The following AXIN1 variants were observed in gnomAD, a reference collection of about 807,000 sequenced individuals.
The protein encoded by AXIN1 is axin-1.
In AXIN1, 30 loss-of-function variants were observed where a neutral mutation model predicts 76.4. That is an observed-to-expected ratio of 0.39 (90% confidence interval 0.29 to 0.53). The LOEUF (loss-of-function observed/expected upper bound fraction) is 0.53. Among genes scored for constraint, AXIN1 ranks in the 20% least tolerant of loss-of-function variants. AXIN1 has a pLI of 0.66. For missense variants in AXIN1, 1,140 were observed against 1,198.8 expected, an observed-to-expected ratio of 0.95 and a Z score of 0.72; for synonymous variants, 545 against 501.4, an observed-to-expected ratio of 1.09 and a Z score of -1.16.
At chr16:309,926 C>A (rs1337722198) in intron 4 of AXIN1, 47 bp downstream of exon 4, 1 of 1,592,182 alleles carries the variant, frequency 6.3e-7, no homozygotes, top group Non-Finnish European at 8.6e-7. Context: ...CAGGCCCACG[C>A]TGAGCGGGGA....
In AXIN1 at chr16:293,536, C is replaced by A. The variant is rs780924135; in HGVS notation, c.2138G>T (p.Arg713Leu). Residue 713 changes from arginine to leucine, a missense_variant, in exon 8 of 11, where the codon CGT becomes CTT. This residue lies in a region of AXIN1 where 429 missense variants were observed against 405.8 expected (regional missense o/e 1.06). Coordinates refer to ENST00000262320, the MANE Select transcript of AXIN1 (RefSeq NM_003502.4). The surrounding 1 kb of genome is among the most constrained non-coding windows in gnomAD (Gnocchi z 4.6). Reference protein sequence around the residue: ...PLTQLEEARRRLEEEEKRASR... With the variant: ...PLTQLEEARRLLEEEEKRASR... The stretch of plus-strand genomic sequence containing the variant: ...GGCTCTCTTTTCTTCCTCCTCCAGA[C>A]GTCGGCGCGCCTCCTCCAGCTGGGT... 6.2e-7 allele frequency: 1 copy of A among 1,611,268 alleles called. No individual in the cohort carries two copies. Among genetic ancestry groups the A allele is most frequent in the Admixed American group, 1.7e-5 (1 of 60,026 alleles).
At position 288,146 on chromosome 16, in the gene AXIN1, G is replaced by C. The variant is rs150808160; in HGVS notation, c.2565C>G (p.Ile855Met). The stretch of plus-strand genomic sequence containing the variant: ...ATCAGTCCACCTTCTCCACTTTGCC[G>C]ATGATCTTCTCCTCAAAGACGGGCA... The part of the protein sequence containing the change: ...AVLPVFEEKI[I>M]GKVEKVD Residue 855 changes from isoleucine (I) to methionine (M), a missense_variant, in exon 11 of 11, where the codon ATC becomes ATG. Ile to Met is a conservative substitution (Grantham distance 10, BLOSUM62 1). Coordinates refer to ENST00000262320, the MANE Select transcript of AXIN1 (RefSeq NM_003502.4). The C allele has an allele frequency of 6.2e-7, 1 of 1,613,504 alleles. No homozygotes were observed. The highest frequency in any genetic ancestry group is 2.2e-5 in the East Asian group (1 of 44,878).
intron 2 of AXIN1, among the ~76,000 whole-genome samples, chr16:344,828 T>G (rs1319238859): frequency 6.6e-6 from 1 of 152,232 alleles, no homozygotes; most frequent in East Asian, 1.9e-4. Flanking sequence ...ACTACAAGTT[T>G]AACCTTAGAC....
At chr16:319,092 TCAGGCAGAGTCCGGGGACA>T (rs1324175593) in intron 2 of AXIN1, among the ~76,000 whole-genome samples, 3 of 152,174 alleles carry the variant, frequency 2.0e-5, no homozygotes, top group African/African-American at 7.2e-5. Flanking sequence ...GTGCCAGGAC[TCAGGCAGAGTCCGGGGACA>T]CAGAGGCTGG....
At chr16:339,278 C>T (rs1245894053) in intron 2 of AXIN1, among the ~76,000 whole-genome samples, 1 of 143,586 alleles carries the variant, frequency 7.0e-6, no homozygotes, top group Non-Finnish European at 1.5e-5. Flanking sequence ...CTGAGGTAGG[C>T]GGATCACAAG....
At chr16:327,995 T>C (rs754001769) in intron 2 of AXIN1, among the ~76,000 whole-genome samples, 1 of 152,208 alleles carries the variant, frequency 6.6e-6, no homozygotes, top group Non-Finnish European at 1.5e-5. Flanking sequence ...AAGCCTGTAA[T>C]CCGAGCACTG....
At chr16:316,847 C>T (rs1314144341) in intron 2 of AXIN1, among the ~76,000 whole-genome samples, 1 of 152,200 alleles carries the variant, frequency 6.6e-6, no homozygotes, top group East Asian at 1.9e-4. Flanking sequence ...ACAGTATATA[C>T]AGGGTTCAGT....
chr16:288,339 C>T (rs1361811401), intron 10 of AXIN1, 91 bp from the exon 11 acceptor site: 3 of 1,563,200 alleles, frequency 1.9e-6, no homozygotes, highest in South Asian at 1.1e-5. Context: ...CACACCCCAT[C>T]CCGAGGAGCC....
chr16:332,378 C>T (rs1467345363), intron 2 of AXIN1, among the ~76,000 whole-genome samples: 2 of 151,806 alleles, frequency 1.3e-5, no homozygotes, highest in Non-Finnish European at 2.9e-5. Context: ...GAGATGGAGA[C>T]CATCCTGGCT....
At chr16:290,794 G>A (rs1411666543) in intron 9 of AXIN1, 14 of 363,520 alleles carry the variant, frequency 3.9e-5, no homozygotes, top group East Asian at 2.7e-4. Flanking sequence ...GACGCACCCC[G>A]GGCACCTCAG....
intron 3 of AXIN1, among the ~76,000 whole-genome samples, chr16:313,161 C>T (rs1036762618): frequency 1.3e-5 from 2 of 152,180 alleles, no homozygotes; most frequent in Non-Finnish European, 2.9e-5. Flanking sequence ...AATCATTAGC[C>T]AGGCGTGGTG....
intron 5 of AXIN1, among the ~76,000 whole-genome samples, chr16:303,045 A>G (rs1283400172): frequency 1.6e-4 from 25 of 152,198 alleles, no homozygotes; most frequent in Admixed American, 1.6e-3. Context: ...AATTTTTTCT[A>G]GAGACAGGAA....
rs2141484641 is a variant in AXIN1 at position 293,486 on chromosome 16, A to G, written c.2186+2T>C. ...CCACCCCACCCCACGACGCGGCCGT[A>G]CCTCTGCTTGGAGGGTGCTCGGCTG... is the stretch of plus-strand genomic sequence containing the variant. On this transcript the variant is annotated splice_donor_variant, in intron 8 of 10. Coordinates refer to ENST00000262320, the MANE Select transcript of AXIN1 (RefSeq NM_003502.4). LOFTEE classifies it high-confidence loss of function. This position sits in a 1 kb window ranked among gnomAD's most constrained non-coding sequence, Gnocchi z 4.6. The G allele has an allele frequency of 6.2e-7, 1 of 1,608,454 alleles. No homozygotes were observed. Among genetic ancestry groups the G allele is most frequent in the South Asian group, 1.1e-5 (1 of 90,990 alleles).
At position 310,048 on chromosome 16, in the gene AXIN1, C is replaced by A. The variant is rs2053133737; in HGVS notation, c.1041G>T (p.Arg347Ser). ...DSSVDGIPPY[R>S]IRKQHRREMQ... is the part of the protein sequence containing the mutation. ...TCTCCCTGCGGTGCTGCTTACGGAT[C>A]CTGTATGGGGGGATCCCATCCCTGT... is the stretch of plus-strand genomic sequence containing the variant. Residue 347 changes from arginine to serine, a missense_variant, in exon 4 of 11, where the codon AGG (arginine) becomes AGT (serine). Around this residue, in one of 3 missense-constraint regions of AXIN1, gnomAD observed 708 missense variants for 776.9 expected, o/e 0.91. Coordinates refer to ENST00000262320, the MANE Select transcript of AXIN1 (RefSeq NM_003502.4). 1 of 1,612,498 alleles carries A rather than the reference C, an allele frequency of 6.2e-7. No homozygotes were observed. Among genetic ancestry groups the A allele is most frequent in the Non-Finnish European group, 8.5e-7 (1 of 1,179,608 alleles).
rs548456629 is a variant in AXIN1 at position 345,443 on chromosome 16, G to A, written c.878+705C>T. On this transcript the variant is annotated intron_variant, in intron 2 of 10. Coordinates refer to ENST00000262320, the MANE Select transcript of AXIN1 (RefSeq NM_003502.4). ...TAAAAGCAATAATCTGGCCGGATGC[G>A]GCGGCTCACGCCTGTAATCCCAACA... 4.6e-5 allele frequency among the ~76,000 whole-genome samples: 7 copies of A among 152,344 alleles called. 1 individual carries two copies. Among genetic ancestry groups the A allele is most frequent in the Middle Eastern group, 3.4e-3 (1 of 294 alleles).
Position 298,198 on chromosome 16 carries a change from G to A in AXIN1, c.1308C>T (p.His436=), listed in dbSNP as rs1247735288. ...GCCAAGCGGGGGCGGGAGGCAGCTT[G>A]TGACACGGCCCTGGGGGCCCTGACG... ...DPSSGPPGPC[H]KLPPAPAWHH... is the part of the protein sequence containing the mutation. Residue 436 remains histidine, a synonymous_variant, in exon 6 of 11, where the codon CAC becomes CAT. Transcript: ENST00000262320. The A allele has an allele frequency of 3.9e-6, 6 of 1,541,444 alleles. No homozygotes were observed. In the Admixed American group the frequency reaches 9.8e-5, roughly 25 times the overall value.
chr16:344,007 C>CA (rs35154860), intron 2 of AXIN1, among the ~76,000 whole-genome samples: 44,040 of 129,606 alleles, frequency 0.34, 7,003 homozygotes, highest in Non-Finnish European at 0.4. Context: ...GACTCCATTT[C>CA]AAAAAAAAAA....
chr16:341,114 C>T (rs998579863), intron 2 of AXIN1, among the ~76,000 whole-genome samples: 16 of 152,398 alleles, frequency 1.0e-4, no homozygotes, highest in Middle Eastern at 3.4e-3. Context: ...GCAGTCCTCA[C>T]AGCCCTCGCT....
At chr16:332,530 C>G (rs1165026062) in intron 2 of AXIN1, among the ~76,000 whole-genome samples, 3 of 149,518 alleles carry the variant, frequency 2.0e-5, no homozygotes, top group Middle Eastern at 3.4e-3. Flanking sequence ...GAGCTGAGAC[C>G]GTGCCACTGC....
Sources: gnomAD v4.1 joint callset for allele counts (sites outside exome capture counted in the v4.1 genomes callset) on GRCh38, gnomAD v4.1.1 for gene constraint, gnomAD v4.1.1 regional missense constraint, Gnocchi (gnomAD v3.1) non-coding constraint, MANE v1.5 for transcripts, NCBI Gene and HGNC (gene_info 2026-07-23, HGNC 2026-07-21) for gene names.